TAF6: variants seen among roughly 807,000 people sequenced by gnomAD.
TAF6 encodes the protein TATA-box binding protein associated factor 6.
A neutral mutation model predicts 73.5 loss-of-function variants in TAF6; 50 were observed. The observed-to-expected ratio is 0.68, with a 90% CI of 0.54 to 0.86. The LOEUF (loss-of-function observed/expected upper bound fraction) is 0.86. TAF6 is among the 40% of genes least tolerant of loss of function. The pLI is 0.00. For missense variants in TAF6, 768 were observed against 899.5 expected, an observed-to-expected ratio of 0.85 and a Z score of 1.87; for synonymous variants, 424 against 376.7, an observed-to-expected ratio of 1.13 and a Z score of -1.45.
At position 100,113,927 on chromosome 7, in the gene TAF6, TC is replaced by T; in HGVS notation, c.183del (p.Lys62SerfsTer14). ...TCACTGGTGGTGAGCTTCTGCCGCT[TC>T]CCCATGTGCATGAACTTCAAGGCAT... ...AQDALKFMHM[G>X]KRQKLTTSDI... On this transcript the variant is annotated frameshift_variant, in exon 3 of 15. Transcript: ENST00000453269. LOFTEE classifies it high-confidence loss of function. The T allele has an allele frequency of 6.2e-7, 1 of 1,614,030 alleles. No homozygotes were observed. Among genetic ancestry groups the T allele is most frequent in the Non-Finnish European group, 8.5e-7 (1 of 1,180,008 alleles).
At position 100,107,755 on chromosome 7, in the gene TAF6, G is replaced by T; in HGVS notation, c.1657-132C>A. 7 of 1,432,724 alleles carry T rather than the reference G, an allele frequency of 4.9e-6. 1 individual carries two copies. The South Asian group carries it at 8.5e-5, about 17-fold the overall frequency. The allele number at this position is 1,432,724 out of a possible 1,614,324, so 88.8% of individuals were successfully genotyped here. ...GTTCACCCTGTAGACAGCTATGGCT[G>T]GAGACCTTGTTCATGCAGGGCAGCT... On this transcript the variant is annotated intron_variant, in intron 14 of 14. Coordinates refer to ENST00000453269, the MANE Select transcript of TAF6 (RefSeq NM_139315.3).
Position 100,113,715 on chromosome 7 carries a change from C to A in TAF6, c.298G>T (p.Gly100Trp). Residue 100 changes from glycine (G) to tryptophan (W), a missense_variant, in exon 4 of 15, where the codon GGG becomes TGG. Coordinates refer to ENST00000453269, the MANE Select transcript of TAF6 (RefSeq NM_139315.3). ...TCATAGAAGTAAAGCTCCCGGCCCC[C>A]ACCAGAGGCGAAGCGGAAAGGAATG... ...EFIPFRFASG[G>W]GRELYFYEEK... is the part of the protein sequence containing the mutation. 6.2e-7 allele frequency: 1 copy of A among 1,614,098 alleles called. No homozygotes were observed. Among genetic ancestry groups the A allele is most frequent in the Non-Finnish European group, 8.5e-7 (1 of 1,180,032 alleles).
At chr7:100,117,299 T>G (rs1266727934) in intron 1 of TAF6, among the ~76,000 whole-genome samples, 3 of 148,214 alleles carry the variant, frequency 2.0e-5, no homozygotes, top group Non-Finnish European at 3.0e-5. Context: ...GAGCTAGAGT[T>G]TCACTCTTGT....
upstream of TAF6, chr7:100,124,638 G>T (rs199801822): frequency 1.1e-5 from 17 of 1,612,274 alleles, no homozygotes; most frequent in Admixed American, 1.7e-5. Context: ...ACTGGTAAGC[G>T]TAAGGGTTGA....
Position 100,107,910 on chromosome 7 carries a change from C to T in TAF6, c.1656+16G>A, listed in dbSNP as rs1476563410. The T allele has an allele frequency of 6.3e-7, 1 of 1,592,198 alleles. No homozygotes were observed. The highest frequency in any genetic ancestry group is 2.2e-5 in the East Asian group (1 of 44,686). ...CCAGGCCCTCCAGATGCTCCCTGTCCCACAGCTCTGCATACCTGCTGGGTG... is the reference window on the plus strand; with the variant it reads ...CCAGGCCCTCCAGATGCTCCCTGTCTCACAGCTCTGCATACCTGCTGGGTG... On this transcript the variant is annotated intron_variant, in intron 14 of 14. Coordinates refer to ENST00000453269, the MANE Select transcript of TAF6 (RefSeq NM_139315.3).
Position 100,108,372 on chromosome 7 carries a change from T to G in TAF6, c.1453A>C (p.Thr485Pro). The G allele has an allele frequency of 6.2e-7, 1 of 1,600,494 alleles. No homozygotes were observed. Among genetic ancestry groups the G allele is most frequent in the Non-Finnish European group, 8.5e-7 (1 of 1,170,514 alleles). Residue 485 changes from threonine to proline, a missense_variant, in exon 13 of 15, where the codon ACG (threonine) becomes CCG (proline). This residue lies in a region of TAF6 where 350 missense variants were observed against 352.3 expected (regional missense o/e 0.99). Coordinates refer to ENST00000453269, the MANE Select transcript of TAF6 (RefSeq NM_139315.3). ...QQVNRTTLTI[T>P]QPRPTLTLSQ... is the part of the protein sequence containing the mutation. ...CTCCCCACCCGGCCACGGACCTGCGTGATGGTCAGAGTGGTCCTGTTGACC... is the reference window on the plus strand; with the variant it reads ...CTCCCCACCCGGCCACGGACCTGCGGGATGGTCAGAGTGGTCCTGTTGACC...
At position 100,107,586 on chromosome 7, in the gene TAF6, G is replaced by C; in HGVS notation, c.1694C>G (p.Ser565Cys). 1 of 1,613,760 alleles carries C rather than the reference G, an allele frequency of 6.2e-7. No homozygotes were observed. Among genetic ancestry groups the C allele is most frequent in the Non-Finnish European group, 8.5e-7 (1 of 1,179,922 alleles). Residue 565 changes from serine (S) to cysteine (C), a missense_variant, in exon 15 of 15, where the codon TCC becomes TGC. Ser to Cys is a moderately radical substitution (Grantham distance 112). This residue lies in a region of TAF6 where 350 missense variants were observed against 352.3 expected (regional missense o/e 0.99). Coordinates refer to ENST00000453269, the MANE Select transcript of TAF6 (RefSeq NM_139315.3). ...SLSTSAPGSG[S>C]TTTSPVTTTV... ...GGTGGTGACGGGCGAAGTGGTGGTG[G>C]AACCTGAGCCGGGGGCCGAGGTGCT...
chr7:100,122,159 A>G, upstream of TAF6: 1 of 1,473,678 alleles, frequency 6.8e-7, no homozygotes, highest in African/African-American at 1.4e-5. Flanking sequence ...CTGGCTCCAT[A>G]GTCTGCACTT....
intron 1 of TAF6, 74 bp from the exon 2 acceptor site, chr7:100,114,342 G>T: frequency 7.0e-7 from 1 of 1,438,188 alleles, no homozygotes; most frequent in Non-Finnish European, 9.6e-7. Flanking sequence ...AGGGAGGACA[G>T]TGGAGACAGG....
upstream of TAF6, chr7:100,122,736 A>G: frequency 2.2e-6 from 3 of 1,371,286 alleles, no homozygotes; most frequent in Middle Eastern, 2.0e-4. Flanking sequence ...AGGGGAAGGG[A>G]GGGGTGGGGT....
At chr7:100,125,100 G>A in the TAF6 span, 1 of 555,236 alleles carries the variant, frequency 1.8e-6, no homozygotes, top group African/African-American at 1.9e-5. Context: ...CCTGCTCCTA[G>A]AGATGAACTC....
At chr7:100,122,087 G>C, upstream of TAF6, 3 of 602,918 alleles carry the variant, frequency 5.0e-6, no homozygotes, top group Non-Finnish European at 5.6e-6. Context: ...CCGAGGCACA[G>C]CAAGCAGGAA....
chr7:100,114,435 G>A, intron 1 of TAF6, 167 bp from the exon 2 acceptor site: 1 of 740,948 alleles, frequency 1.3e-6, no homozygotes, highest in South Asian at 1.6e-5. Context: ...TCTGGGCTGG[G>A]GCCAGGTTCA....
upstream of TAF6, chr7:100,121,116 ATTTTTTTTTTTTTTTTTT>A (rs1163501525): frequency 9.5e-5 from 5 of 52,774 alleles, no homozygotes; most frequent in African/African-American, 9.7e-5. Context: ...ATATATATAT[ATTTTTTTTTTTTTTTTTT>A]TTTTTTTTTT....
intron 1 of TAF6, 113 bp from the exon 2 acceptor site, chr7:100,114,381 C>T (rs1797502305): frequency 9.2e-7 from 1 of 1,083,260 alleles, no homozygotes; most frequent in Admixed American, 2.0e-5. Context: ...TTATGTCCAT[C>T]CCCACGTGAG....
chr7:100,124,435 G>T, upstream of TAF6: 1 of 1,147,784 alleles, frequency 8.7e-7, no homozygotes, highest in Non-Finnish European at 1.3e-6. Flanking sequence ...AAATCAGTCA[G>T]GTTGAGCAGG....
chr7:100,124,804 GGAGGAGGAA>G (rs753779348), upstream of TAF6: 184 of 1,613,636 alleles, frequency 1.1e-4, no homozygotes, highest in Middle Eastern at 1.7e-4. Context: ...AGCAGGAGGA[GGAGGAGGAA>G]GAGGAGGAAG....
chr7:100,124,041 G>A (rs895829303), upstream of TAF6, among the ~76,000 whole-genome samples: 5 of 151,912 alleles, frequency 3.3e-5, no homozygotes, highest in Non-Finnish European at 7.4e-5. Context: ...GGAAGCTGAG[G>A]CAGGAGAATC....
the TAF6 span, chr7:100,125,067 G>C: frequency 1.4e-5 from 9 of 661,178 alleles, no homozygotes; most frequent in African/African-American, 1.6e-4. Flanking sequence ...ATGGCTTCTG[G>C]GGTGGAGGGT....
Sources: allele counts gnomAD v4.1 joint callset (sites outside exome capture counted in the v4.1 genomes callset), GRCh38; gene constraint gnomAD v4.1.1; regional missense constraint gnomAD v4.1.1; transcripts MANE v1.5; gene names NCBI Gene and HGNC (gene_info 2026-07-23, HGNC 2026-07-21).